Variants in TENM4 observed in about 807,000 individuals in gnomAD.
TENM4 encodes the protein teneurin transmembrane protein 4.
In TENM4, 82 loss-of-function variants were observed where a neutral mutation model predicts 243.3. That is an observed-to-expected ratio of 0.34 (90% CI 0.28 to 0.40). TENM4 has a LOEUF of 0.40. Among genes scored for constraint, TENM4 ranks in the 10% least tolerant of loss-of-function variants. TENM4 has a pLI of 1.00. For synonymous variants in TENM4, 1,412 were observed against 1,456.3 expected (o/e 0.97, Z 0.69); for missense variants, 3,138 against 3,673.3 (o/e 0.85, Z 3.77).
intron 6 of TENM4, among the ~76,000 whole-genome samples, chr11:78,961,825 C>A (rs1406465726): frequency 3.3e-5 from 5 of 151,368 alleles, no homozygotes; most frequent in Admixed American, 6.6e-5. Flanking sequence ...TTGTCTCTAC[C>A]TTTACCTGTC....
chr11:79,407,825 A>C (rs982890244), intron 1 of TENM4, among the ~76,000 whole-genome samples: 2 of 152,086 alleles, frequency 1.3e-5, no homozygotes, highest in Admixed American at 6.5e-5. Context: ...GGTTAACAGG[A>C]ATTGCTGGGC....
intron 1 of TENM4, among the ~76,000 whole-genome samples, chr11:79,323,406 C>T (rs1353714688): frequency 6.6e-6 from 1 of 152,230 alleles, no homozygotes; most frequent in Admixed American, 6.5e-5. Flanking sequence ...GACCCACTCT[C>T]TAGCTACATA....
chr11:79,099,282 T>C (rs184252144), intron 4 of TENM4, among the ~76,000 whole-genome samples: 1 of 152,096 alleles, frequency 6.6e-6, no homozygotes, highest in African/African-American at 2.4e-5. Flanking sequence ...GTGCCTTTGC[T>C]CCAGACCCTC....
rs1859569426 is a variant in TENM4 at position 79,042,778 on chromosome 11, C to T, written c.493+21960G>A. Among the ~76,000 whole-genome samples the T allele has an allele frequency of 3.3e-5, 5 of 152,314 alleles. No homozygotes were observed. In the South Asian group the frequency reaches 1.0e-3, roughly 32 times the overall value. Reference sequence around the variant, plus strand: ...TTTAATCACTTCTTTCTGCTAAGTACCTCTTGAATCTGTCTGCATGATTAC... The same window carrying T: ...TTTAATCACTTCTTTCTGCTAAGTATCTCTTGAATCTGTCTGCATGATTAC... On this transcript the variant is annotated intron_variant, in intron 6 of 33. Coordinates refer to ENST00000278550, the MANE Select transcript of TENM4 (RefSeq NM_001098816.3).
chr11:79,145,672 G>A (rs1288155795), intron 4 of TENM4, among the ~76,000 whole-genome samples: 1 of 152,044 alleles, frequency 6.6e-6, no homozygotes, highest in African/African-American at 2.4e-5. Flanking sequence ...GAAAGTGCTG[G>A]TATGTATATG....
At chr11:79,077,732 A>G (rs900137304) in intron 4 of TENM4, among the ~76,000 whole-genome samples, 8 of 151,970 alleles carry the variant, frequency 5.3e-5, no homozygotes, top group African/African-American at 1.9e-4. Context: ...GTTGGAGAGA[A>G]AGCTTGAGAA....
chr11:79,037,285 G>A (rs1425339114), intron 6 of TENM4, among the ~76,000 whole-genome samples: 1 of 152,198 alleles, frequency 6.6e-6, no homozygotes, highest in Non-Finnish European at 1.5e-5. Context: ...TACATGGCAA[G>A]TTTCATCCAG....
At chr11:78,964,447 CAAG>C (rs1857398682) in intron 6 of TENM4, among the ~76,000 whole-genome samples, 2 of 152,146 alleles carry the variant, frequency 1.3e-5, no homozygotes, top group African/African-American at 4.8e-5. Flanking sequence ...AGAAATTCAG[CAAG>C]AAGAATTGAA....
intron 9 of TENM4, among the ~76,000 whole-genome samples, chr11:78,879,986 T>C (rs1238339364): frequency 6.6e-6 from 1 of 151,528 alleles, no homozygotes; most frequent in Non-Finnish European, 1.5e-5. Context: ...TGGGCCATGA[T>C]GACGATGGCG....
At chr11:78,777,630 G>GGT (rs1195375010) in intron 17 of TENM4, among the ~76,000 whole-genome samples, 1 of 152,106 alleles carries the variant, frequency 6.6e-6, no homozygotes, top group Non-Finnish European at 1.5e-5. Flanking sequence ...TTATGAGGTG[G>GGT]GTCCTGTTAG....
At chr11:79,038,766 G>C (rs949475914) in intron 6 of TENM4, among the ~76,000 whole-genome samples, 1 of 152,146 alleles carries the variant, frequency 6.6e-6, no homozygotes, top group Non-Finnish European at 1.5e-5. Flanking sequence ...TCCTGGCTTG[G>C]GAAAAAACCA....
At chr11:78,880,733 C>T (rs1383600233) in intron 9 of TENM4, among the ~76,000 whole-genome samples, 3 of 152,228 alleles carry the variant, frequency 2.0e-5, no homozygotes, top group African/African-American at 4.8e-5. Context: ...CTGGATGATA[C>T]CTTAAAAAAT....
At chr11:79,378,355 G>A (rs1418584936) in intron 1 of TENM4, among the ~76,000 whole-genome samples, 10 of 152,232 alleles carry the variant, frequency 6.6e-5, no homozygotes, top group Admixed American at 3.3e-4. Context: ...TGGGGATCAC[G>A]CTCCTGACAG....
chr11:79,117,198 G>T (rs945404666), intron 4 of TENM4, among the ~76,000 whole-genome samples: 1 of 152,154 alleles, frequency 6.6e-6, no homozygotes, highest in South Asian at 2.1e-4. Flanking sequence ...ACCCCACTGG[G>T]CCCTGATCAC....
At position 78,805,460 on chromosome 11, in the gene TENM4, C is replaced by G. The variant is rs1392624516; in HGVS notation, c.2011G>C (p.Gly671Arg). 2 of 1,590,762 alleles carry G rather than the reference C, an allele frequency of 1.3e-6. No individual in the cohort carries two copies. Among genetic ancestry groups the G allele is most frequent in the African/African-American group, 2.7e-5 (2 of 74,352 alleles). The change falls in exon 15 of 34, where the codon GGT (glycine) becomes CGT (arginine). Residue 671 changes from glycine to arginine, a missense_variant. This residue lies in a region of TENM4 where 2,467 missense variants were observed against 3,059.1 expected (regional missense o/e 0.81). Transcript: ENST00000278550. ...DCMDPTCSGR[G>R]VCVRGECHCS... ...TGGCATTCGCCTCTCACGCAGACAC[C>G]CCGGCCTGAACATGTGGGGTCCATG...
intron 4 of TENM4, among the ~76,000 whole-genome samples, chr11:79,114,093 T>G (rs1344656924): frequency 6.6e-6 from 1 of 152,160 alleles, no homozygotes; most frequent in African/African-American, 2.4e-5. Context: ...TCTGCCTCTA[T>G]CTCAACGCCT....
chr11:78,907,753 T>G (rs1856095106), intron 6 of TENM4, among the ~76,000 whole-genome samples: 1 of 152,230 alleles, frequency 6.6e-6, no homozygotes, highest in Non-Finnish European at 1.5e-5. Context: ...CTCAGGTAGT[T>G]GGGCTTTTTG....
chr11:79,266,827 C>T (rs542573078), intron 2 of TENM4, among the ~76,000 whole-genome samples: 4 of 152,110 alleles, frequency 2.6e-5, no homozygotes, highest in East Asian at 1.9e-4. Flanking sequence ...GAAGCCATTG[C>T]GTGCATTAAA....
At chr11:78,999,337 C>A (rs1188476996) in intron 6 of TENM4, among the ~76,000 whole-genome samples, 2 of 152,008 alleles carry the variant, frequency 1.3e-5, no homozygotes, top group African/African-American at 4.8e-5. Flanking sequence ...CATGGTGAAA[C>A]CCTGTCTCTA....
Sources: allele counts gnomAD v4.1 joint callset (sites outside exome capture counted in the v4.1 genomes callset), GRCh38; gene constraint gnomAD v4.1.1; regional missense constraint gnomAD v4.1.1; transcripts MANE v1.5; gene names NCBI Gene and HGNC (gene_info 2026-07-23, HGNC 2026-07-21).